THEMIS: variants seen among roughly 807,000 people sequenced by gnomAD.
THEMIS encodes protein THEMIS.
A neutral mutation model predicts 52.6 loss-of-function variants in THEMIS; 37 were observed. The observed-to-expected ratio is 0.70, with a 90% CI of 0.54 to 0.93. THEMIS has a LOEUF of 0.93. Among genes scored for constraint, THEMIS ranks in the 40% least tolerant of loss-of-function variants. The pLI is 0.00. For synonymous variants in THEMIS, 292 were observed against 272.7 expected (o/e 1.07, Z -0.70); for missense variants, 808 against 763.1 (o/e 1.06, Z -0.69).
chr6:127,775,917 T>A (rs1048707539), intron 4 of THEMIS, among the ~76,000 whole-genome samples: 1 of 152,170 alleles, frequency 6.6e-6, no homozygotes, highest in Non-Finnish European at 1.5e-5. Flanking sequence ...GATATATGTA[T>A]CTCTAACATT....
the THEMIS span, among the ~76,000 whole-genome samples, chr6:127,702,597 C>A: frequency 3.5e-4 from 52 of 148,052 alleles, no homozygotes; most frequent in South Asian, 0.011. Context: ...GCAACTTTCT[C>A]TTCTATTGTG....
intron 4 of THEMIS, among the ~76,000 whole-genome samples, chr6:127,737,698 A>G (rs1452022020): frequency 1.3e-5 from 2 of 152,240 alleles, no homozygotes; most frequent in African/African-American, 2.4e-5. Context: ...AAGAATAAAA[A>G]TCTTATCACA....
At chr6:127,765,186 A>G (rs1776155472) in intron 4 of THEMIS, among the ~76,000 whole-genome samples, 1 of 152,130 alleles carries the variant, frequency 6.6e-6, no homozygotes, top group Admixed American at 6.6e-5. Context: ...CCAAAATCGT[A>G]TATAAAGTCA....
At chr6:127,752,520 T>C (rs1343820581) in intron 4 of THEMIS, among the ~76,000 whole-genome samples, 2 of 151,362 alleles carry the variant, frequency 1.3e-5, no homozygotes, top group Non-Finnish European at 3.0e-5. Flanking sequence ...GATGAACAAA[T>C]ATACACCAAC....
chr6:127,749,069 C>A (rs1775547190), intron 4 of THEMIS, among the ~76,000 whole-genome samples: 1 of 152,000 alleles, frequency 6.6e-6, no homozygotes, highest in South Asian at 2.1e-4. Context: ...CATGAATGGC[C>A]TCTATAACAA....
intron 1 of THEMIS, among the ~76,000 whole-genome samples, chr6:127,914,752 A>G (rs1355433792): frequency 6.6e-6 from 1 of 152,232 alleles, no homozygotes; most frequent in African/African-American, 2.4e-5. Flanking sequence ...TGTAAATGAC[A>G]TTTGCCGCCT....
intron 3 of THEMIS, among the ~76,000 whole-genome samples, chr6:127,825,089 A>C (rs1380716308): frequency 6.6e-6 from 1 of 152,182 alleles, no homozygotes; most frequent in African/African-American, 2.4e-5. Flanking sequence ...TCATTAAAAC[A>C]GTTGGAAATG....
intron 4 of THEMIS, among the ~76,000 whole-genome samples, chr6:127,745,462 A>C (rs1041626745): frequency 1.3e-5 from 2 of 151,882 alleles, no homozygotes; most frequent in Admixed American, 6.6e-5. Flanking sequence ...TTTACATGGA[A>C]AGAGCAAATA....
At chr6:127,790,353 T>C (rs1390898148) in intron 4 of THEMIS, among the ~76,000 whole-genome samples, 1 of 152,172 alleles carries the variant, frequency 6.6e-6, no homozygotes, top group Non-Finnish European at 1.5e-5. Flanking sequence ...TGAATGAAAA[T>C]AAAAATGCAC....
rs1900130 is a variant in THEMIS at position 127,759,856 on chromosome 6, C to T, written c.1759-40033G>A. ...CCTCCCTCCCTCCCTCCCTCCCTCC[C>T]TCCTTCCTTCCTTCCTTCCTTCCTC... On this transcript the variant is annotated intron_variant, in intron 4 of 5. Transcript: ENST00000368248. 8.1e-4 allele frequency among the ~76,000 whole-genome samples: 97 copies of T among 119,392 alleles called. 1 individual carries two copies. In the East Asian group the frequency reaches 0.018, roughly 23 times the overall value. 78.3% of individuals were successfully genotyped at this position (119,392 alleles called of 152,430 possible). A position where few individuals can be genotyped will look rare whatever the true frequency, so the allele number is the denominator to read the frequency against.
rs920900155 is a variant in THEMIS at position 127,892,141 on chromosome 6, G to A, written c.91+8701C>T. Reference sequence around the variant, plus strand: ...TCACTCTGGCCTTCAAGGCCTACAAGGTCTGGGCCTGCCCACGCCTCAGTC... The same window carrying A: ...TCACTCTGGCCTTCAAGGCCTACAAAGTCTGGGCCTGCCCACGCCTCAGTC... On this transcript the variant is annotated intron_variant, in intron 1 of 5. Coordinates refer to ENST00000368248, the MANE Select transcript of THEMIS (RefSeq NM_001010923.3). Among the ~76,000 whole-genome samples the A allele has an allele frequency of 5.3e-5, 8 of 152,274 alleles. No individual in the cohort carries two copies. The South Asian group carries it at 1.7e-3, about 32-fold the overall frequency.
At chr6:127,849,375 G>A (rs1431860642) in intron 2 of THEMIS, among the ~76,000 whole-genome samples, 1 of 151,862 alleles carries the variant, frequency 6.6e-6, no homozygotes, top group Non-Finnish European at 1.5e-5. Flanking sequence ...CTCCAGCTTT[G>A]TTCTTTTGGC....
At chr6:127,704,603 A>G (rs568464309), downstream of THEMIS, among the ~76,000 whole-genome samples, 8 of 152,334 alleles carry the variant, frequency 5.3e-5, no homozygotes, top group South Asian at 1.7e-3. Context: ...ACATTGTATA[A>G]TCATATGACT....
downstream of THEMIS, among the ~76,000 whole-genome samples, chr6:127,705,326 AC>A (rs1447268071): frequency 1.3e-5 from 2 of 152,250 alleles, no homozygotes; most frequent in Non-Finnish European, 2.9e-5. Flanking sequence ...TCACCCCAGT[AC>A]TTGCACAATG....
At chr6:127,713,510 C>T (rs915002974) in intron 5 of THEMIS, among the ~76,000 whole-genome samples, 2 of 151,778 alleles carry the variant, frequency 1.3e-5, no homozygotes, top group Non-Finnish European at 2.9e-5. Context: ...TCATAGTGAC[C>T]TTATGTGGAG....
intron 3 of THEMIS, among the ~76,000 whole-genome samples, chr6:127,815,059 G>C (rs1778078266): frequency 6.6e-6 from 1 of 152,084 alleles, no homozygotes. Context: ...ACTGAGGTGG[G>C]AAGATCGCTT....
At chr6:127,792,950 G>A (rs1777207642) in intron 4 of THEMIS, among the ~76,000 whole-genome samples, 1 of 152,144 alleles carries the variant, frequency 6.6e-6, no homozygotes, top group African/African-American at 2.4e-5. Context: ...TTAGCTAAAT[G>A]GGGGTAGATT....
intron 2 of THEMIS, among the ~76,000 whole-genome samples, chr6:127,853,423 G>T (rs543643016): frequency 6.6e-6 from 1 of 151,590 alleles, no homozygotes; most frequent in East Asian, 1.9e-4. Context: ...TCATGTAAGT[G>T]GCCTGAACAT....
intron 4 of THEMIS, among the ~76,000 whole-genome samples, chr6:127,753,471 A>G (rs1775716660): frequency 6.6e-6 from 1 of 152,102 alleles, no homozygotes; most frequent in Non-Finnish European, 1.5e-5. Context: ...AAAGATCTGT[A>G]CACTAAAATC....
Sources: gnomAD v4.1 joint callset for allele counts (sites outside exome capture counted in the v4.1 genomes callset) on GRCh38, gnomAD v4.1.1 for gene constraint, MANE v1.5 for transcripts, NCBI Gene and HGNC (gene_info 2026-07-23, HGNC 2026-07-21) for gene names.